The following USP28 variants were observed in gnomAD, a reference collection of about 807,000 sequenced individuals.
The protein encoded by USP28 is ubiquitin specific peptidase 28.
A neutral mutation model predicts 145.0 loss-of-function variants in USP28; 113 were observed. That is an observed-to-expected ratio of 0.78 (90% confidence interval 0.67 to 0.91). USP28 has a LOEUF of 0.91. Among genes scored for constraint, USP28 ranks in the 40% least tolerant of loss-of-function variants. The probability of loss-of-function intolerance (pLI) is 0.00; values close to 1 mark genes in which losing one functional copy is unlikely to be tolerated. For missense variants in USP28, 1,201 were observed against 1,289.6 expected, an observed-to-expected ratio of 0.93 and a Z score of 1.05; for synonymous variants, 447 against 450.9, an observed-to-expected ratio of 0.99 and a Z score of 0.11.
chr11:113,823,659 T>C, exon 12 of USP28: 1 of 1,612,534 alleles, frequency 6.2e-7, no homozygotes, highest in South Asian at 1.1e-5. Context: ...TCGAATACAC[T>C]CTCTCTTATT....
At chr11:113,813,767 G>T in intron 15 of USP28, 118 bp downstream of exon 15, 1 of 785,506 alleles carries the variant, frequency 1.3e-6, no homozygotes, top group Non-Finnish European at 2.1e-6. Flanking sequence ...TATATCTTAA[G>T]TTTATTCTTT....
At chr11:113,821,060 G>T in intron 12 of USP28, 1 of 234,426 alleles carries the variant, frequency 4.3e-6, no homozygotes, top group South Asian at 6.8e-5. Flanking sequence ...GAGGAGAAGG[G>T]GGATATGGGA....
chr11:113,874,636 T>A, intron 1 of USP28: 1 of 1,284,578 alleles, frequency 7.8e-7, no homozygotes, highest in Non-Finnish European at 1.0e-6. Flanking sequence ...ACTTGAGGGG[T>A]GAGGAGGTGG....
chr11:113,875,321 A>AC, intron 1 of USP28, 124 bp downstream of exon 1: 1 of 772,530 alleles, frequency 1.3e-6, no homozygotes. Flanking sequence ...TGGCGGGCGC[A>AC]CCCCCTGTCC....
At chr11:113,864,672 GT>G (rs774426100) in intron 1 of USP28, among the ~76,000 whole-genome samples, 1 of 152,144 alleles carries the variant, frequency 6.6e-6, no homozygotes, top group Non-Finnish European at 1.5e-5. Context: ...TTCTATTCAG[GT>G]CTTGATTGAA....
chr11:113,819,481 A>G lies in USP28; in HGVS notation c.1284-1644T>C, dbSNP rs1942278766. The stretch of plus-strand genomic sequence containing the variant: ...TACGAAAATTCAAATACAAAAAAGT[A>G]TAAAACAGACCATAAAAGTCATCTA... On this transcript the variant is annotated intron_variant, in intron 12 of 24. Transcript: ENST00000003302. Among the ~76,000 whole-genome samples the G allele has an allele frequency of 2.0e-5, 3 of 152,216 alleles. No homozygotes were observed. In the South Asian group the frequency reaches 6.2e-4, roughly 31 times the overall value.
At chr11:113,871,332 G>T (rs537412039) in intron 1 of USP28, among the ~76,000 whole-genome samples, 46 of 152,256 alleles carry the variant, frequency 3.0e-4, no homozygotes, top group African/African-American at 1.0e-3. Flanking sequence ...GGTGTCTGGG[G>T]GTTAGACTAG....
At chr11:113,807,056 A>G (rs2135272729) in intron 18 of USP28, among the ~76,000 whole-genome samples, 1 of 152,242 alleles carries the variant, frequency 6.6e-6, no homozygotes, top group Admixed American at 6.5e-5. Context: ...GACTCCATAA[A>G]GTAAAAACTT....
intron 5 of USP28, among the ~76,000 whole-genome samples, chr11:113,834,929 T>C (rs1944402134): frequency 6.6e-6 from 1 of 152,206 alleles, no homozygotes; most frequent in African/African-American, 2.4e-5. Flanking sequence ...ACTGCTTATA[T>C]TAAGTTTAAC....
intron 9 of USP28, among the ~76,000 whole-genome samples, chr11:113,829,717 CAGG>C (rs1467679009): frequency 1.0e-4 from 15 of 150,438 alleles, no homozygotes; most frequent in African/African-American, 3.4e-4. Flanking sequence ...CCTGGCTACT[CAGG>C]AGGATAAGGT....
chr11:113,817,919 C>G, intron 12 of USP28, 82 bp from the exon 13 acceptor site: 1 of 1,452,334 alleles, frequency 6.9e-7, no homozygotes, highest in Non-Finnish European at 9.5e-7. Context: ...CTGTTTATCA[C>G]AGCAAGTCAA....
intron 1 of USP28, among the ~76,000 whole-genome samples, chr11:113,863,408 G>A (rs1193378945): frequency 1.3e-5 from 2 of 152,000 alleles, no homozygotes; most frequent in East Asian, 3.9e-4. Flanking sequence ...CACTTTGGGA[G>A]GCTGAGGCGG....
At chr11:113,864,295 A>G (rs1318105759) in intron 1 of USP28, among the ~76,000 whole-genome samples, 1 of 152,218 alleles carries the variant, frequency 6.6e-6, no homozygotes, top group Non-Finnish European at 1.5e-5. Flanking sequence ...TAAATTGAAA[A>G]ACATCCAGGT....
At chr11:113,865,957 A>G (rs1647686505) in intron 1 of USP28, among the ~76,000 whole-genome samples, 1 of 152,206 alleles carries the variant, frequency 6.6e-6, no homozygotes, top group African/African-American at 2.4e-5. Context: ...GACAACCGGT[A>G]TACAAATTCA....
chr11:113,871,698 A>T (rs1948834683), intron 1 of USP28, among the ~76,000 whole-genome samples: 1 of 152,200 alleles, frequency 6.6e-6, no homozygotes. Flanking sequence ...GCGTAGGGAG[A>T]GGGGGACAAA....
chr11:113,836,667 G>A (rs1054226154), intron 5 of USP28, among the ~76,000 whole-genome samples: 5 of 152,236 alleles, frequency 3.3e-5, no homozygotes, highest in South Asian at 4.2e-4. Context: ...AGGGCTACCA[G>A]TCCAGTCCGA....
intron 17 of USP28, 93 bp downstream of exon 17, chr11:113,808,970 G>T: frequency 8.2e-7 from 1 of 1,212,828 alleles, no homozygotes; most frequent in Non-Finnish European, 1.2e-6. Flanking sequence ...GAAGACTGTG[G>T]CATCACCTAG....
chr11:113,874,748 T>C, intron 1 of USP28: 1 of 1,171,290 alleles, frequency 8.5e-7, no homozygotes. Flanking sequence ...CAAACCAGGG[T>C]TCTTTCACTC....
chr11:113,853,301 CAAAAAAAAAAAAAAA>C (rs35806711), intron 2 of USP28, among the ~76,000 whole-genome samples: 1 of 54,946 alleles, frequency 1.8e-5, no homozygotes, highest in African/African-American at 7.6e-5. Flanking sequence ...TCTCCTGTCT[CAAAAAAAAAAAAAAA>C]AAAAAAAAAA....
Sources: allele counts gnomAD v4.1 joint callset (sites outside exome capture counted in the v4.1 genomes callset), GRCh38; gene constraint gnomAD v4.1.1; transcripts MANE v1.5; gene names NCBI Gene and HGNC (gene_info 2026-07-23, HGNC 2026-07-21).